Variants in CYP19A1 observed in about 807,000 individuals in gnomAD.
CYP19A1 encodes cytochrome P450 family 19 subfamily A member 1, also known as aromatase.
CYP19A1 carries 32 observed loss-of-function variants against 44.4 expected under a neutral mutation model. The observed-to-expected ratio is 0.72, with a 90% CI of 0.54 to 0.97. The LOEUF is 0.97. Ranked by LOEUF, CYP19A1 falls within the 50% of genes least tolerant of loss-of-function variation. The probability of loss-of-function intolerance (pLI) is 0.00; values close to 1 mark genes in which losing one functional copy is unlikely to be tolerated. For missense variants in CYP19A1, 598 were observed against 637.8 expected (o/e 0.94, Z 0.67); for synonymous variants, 212 against 215.6 (o/e 0.98, Z 0.14).
chr15:51,289,033 T>C lies in CYP19A1; in HGVS notation c.-38-46083A>G, dbSNP rs116123435. Among the ~76,000 whole-genome samples the C allele has an allele frequency of 2.9e-3, 440 of 152,300 alleles. 4 individuals are homozygous for C. The highest frequency in any genetic ancestry group is 0.01 in the African/African-American group (430 of 41,558). Reference sequence around the variant, plus strand: ...AACTAAGTGCGGGGTGTGGGGTCGTTCTCAAATGCGGTCATTGCTACAGAA... The same window carrying C: ...AACTAAGTGCGGGGTGTGGGGTCGTCCTCAAATGCGGTCATTGCTACAGAA... On this transcript the variant is annotated intron_variant, in intron 1 of 9. Coordinates refer to ENST00000396402, the MANE Select transcript of CYP19A1 (RefSeq NM_000103.4).
chr15:51,264,140 G>C (rs1220656889), intron 1 of CYP19A1, among the ~76,000 whole-genome samples: 1 of 152,214 alleles, frequency 6.6e-6, no homozygotes, highest in African/African-American at 2.4e-5. Flanking sequence ...TGAGGCTGGA[G>C]AACTGCTGTA....
intron 6 of CYP19A1, among the ~76,000 whole-genome samples, chr15:51,217,668 A>T (rs1158619711): frequency 1.3e-5 from 2 of 152,218 alleles, no homozygotes; most frequent in Non-Finnish European, 2.9e-5. Flanking sequence ...TCTGAGGAAG[A>T]TATGAACACA....
intron 1 of CYP19A1, among the ~76,000 whole-genome samples, chr15:51,285,729 C>G (rs761671099): frequency 2.6e-5 from 4 of 152,152 alleles, no homozygotes; most frequent in Non-Finnish European, 5.9e-5. Context: ...CTTGCCCTTT[C>G]GACCCCCACA....
At chr15:51,294,654 C>G (rs2035943471) in intron 1 of CYP19A1, among the ~76,000 whole-genome samples, 1 of 137,476 alleles carries the variant, frequency 7.3e-6, no homozygotes, top group Non-Finnish European at 1.6e-5. Context: ...CCCCGCCCGG[C>G]CAGCCGCCCC....
intron 1 of CYP19A1, among the ~76,000 whole-genome samples, chr15:51,291,502 A>G (rs2035845234): frequency 6.6e-6 from 1 of 152,234 alleles, no homozygotes; most frequent in African/African-American, 2.4e-5. Context: ...AACATGAGAA[A>G]AAAGGACTTC....
In CYP19A1 at chr15:51,209,796, A is replaced by C. The variant is rs909425068; in HGVS notation, c.*1012T>G. On this transcript the variant is annotated 3_prime_UTR_variant, in exon 10 of 10. Coordinates refer to ENST00000396402, the MANE Select transcript of CYP19A1 (RefSeq NM_000103.4). ...GGTCATGGGAAGAAAGAGGGAGAAAATGTCGAGGGAGAAGGATAAGGGGAT... is the reference window on the plus strand; with the variant it reads ...GGTCATGGGAAGAAAGAGGGAGAAACTGTCGAGGGAGAAGGATAAGGGGAT... 3 of 153,350 alleles carry C rather than the reference A, an allele frequency of 2.0e-5. No homozygotes were observed. Among genetic ancestry groups the C allele is most frequent in the African/African-American group, 7.2e-5 (3 of 41,436 alleles). The allele number at this position is 153,350 out of a possible 1,614,324, so 9.5% of individuals were successfully genotyped here.
intron 3 of CYP19A1, among the ~76,000 whole-genome samples, chr15:51,231,283 C>T (rs2033008817): frequency 6.6e-6 from 1 of 151,898 alleles, no homozygotes; most frequent in South Asian, 2.1e-4. Context: ...TAAATGACAC[C>T]CTGATGAAAC....
intron 3 of CYP19A1, among the ~76,000 whole-genome samples, chr15:51,234,618 G>A (rs1341823206): frequency 6.6e-6 from 1 of 152,106 alleles, no homozygotes; most frequent in East Asian, 1.9e-4. Flanking sequence ...TCCAGTTCTA[G>A]TCTTAAACCT....
intron 1 of CYP19A1, among the ~76,000 whole-genome samples, chr15:51,299,977 T>C (rs2036079157): frequency 6.6e-6 from 1 of 152,204 alleles, no homozygotes; most frequent in South Asian, 2.1e-4. Context: ...GTGCTTTCAT[T>C]CATGCAGTTA....
chr15:51,264,005 A>C (rs2034825725), intron 1 of CYP19A1, among the ~76,000 whole-genome samples: 1 of 152,220 alleles, frequency 6.6e-6, no homozygotes. Context: ...CAAAGGATTT[A>C]GTGGTATTTT....
chr15:51,275,413 G>A (rs2035272934), intron 1 of CYP19A1, among the ~76,000 whole-genome samples: 1 of 152,198 alleles, frequency 6.6e-6, no homozygotes, highest in African/African-American at 2.4e-5. Context: ...TAAGACCAGA[G>A]GGATTATTTA....
chr15:51,327,292 T>A (rs1329145610), intron 1 of CYP19A1, among the ~76,000 whole-genome samples: 3 of 152,146 alleles, frequency 2.0e-5, no homozygotes, highest in African/African-American at 7.2e-5. Flanking sequence ...CCAGGGCTAA[T>A]TAAACTCCTG....
intron 1 of CYP19A1, among the ~76,000 whole-genome samples, chr15:51,320,071 A>G (rs1297865561): frequency 6.6e-6 from 1 of 152,230 alleles, no homozygotes; most frequent in Middle Eastern, 3.2e-3. Context: ...ACAGATGTGG[A>G]GACTCCAATG....
chr15:51,249,096 C>T (rs12901286), intron 1 of CYP19A1, among the ~76,000 whole-genome samples: 6,065 of 152,076 alleles, frequency 0.04, 143 homozygotes, highest in Middle Eastern at 0.058. Context: ...CCCACTACCA[C>T]GCCCGTCCAA....
intron 4 of CYP19A1, among the ~76,000 whole-genome samples, chr15:51,224,792 G>A (rs1256453431): frequency 6.6e-6 from 1 of 152,200 alleles, no homozygotes; most frequent in African/African-American, 2.4e-5. Context: ...CCTTAACTGA[G>A]AGGTCTTTGG....
At chr15:51,223,854 C>T (rs190686281) in intron 4 of CYP19A1, among the ~76,000 whole-genome samples, 153 of 152,170 alleles carry the variant, frequency 1.0e-3, no homozygotes, top group Non-Finnish European at 1.9e-3. Flanking sequence ...ACAAATGACT[C>T]AACCCTTTGT....
At chr15:51,315,721 A>C (rs1051700805) in intron 1 of CYP19A1, 2 of 152,232 alleles carry the variant, frequency 1.3e-5, no homozygotes, top group African/African-American at 2.4e-5. Flanking sequence ...TTCAGTGCCT[A>C]ATTCAGGGCC....
chr15:51,307,734 A>C (rs2036240368), intron 1 of CYP19A1, among the ~76,000 whole-genome samples: 1 of 152,200 alleles, frequency 6.6e-6, no homozygotes, highest in African/African-American at 2.4e-5. Flanking sequence ...GCCTCAAAAG[A>C]GGAGCACCCT....
At chr15:51,261,344 A>C (rs2034714530) in intron 1 of CYP19A1, among the ~76,000 whole-genome samples, 1 of 152,144 alleles carries the variant, frequency 6.6e-6, no homozygotes, top group South Asian at 2.1e-4. Context: ...CCATCTTGGG[A>C]GCTCTAAGAA....
Sources: allele counts gnomAD v4.1 joint callset (sites outside exome capture counted in the v4.1 genomes callset), GRCh38; gene constraint gnomAD v4.1.1; transcripts MANE v1.5; gene names NCBI Gene and HGNC (gene_info 2026-07-23, HGNC 2026-07-21).